Variants in NAALADL2 observed in about 807,000 individuals in gnomAD.
NAALADL2 encodes the protein inactive N-acetylated-alpha-linked acidic dipeptidase-like protein 2.
In NAALADL2, 76 loss-of-function variants were observed where a neutral mutation model predicts 87.2. The observed-to-expected ratio is 0.87, with a 90% confidence interval of 0.72 to 1.05. The LOEUF (loss-of-function observed/expected upper bound fraction) is 1.05. NAALADL2 is among the 50% of genes least tolerant of loss of function. The pLI is 0.00. For synonymous variants in NAALADL2, 354 were observed against 331.0 expected, an observed-to-expected ratio of 1.07 and a Z score of -0.75; for missense variants, 1,089 against 945.8, an observed-to-expected ratio of 1.15 and a Z score of -1.99.
At chr3:175,208,318 A>G (rs1237978647) in intron 2 of NAALADL2, among the ~76,000 whole-genome samples, 1 of 152,152 alleles carries the variant, frequency 6.6e-6, no homozygotes, top group African/African-American at 2.4e-5. Context: ...TCTTCTGTCT[A>G]AACCTATCTT....
At chr3:174,714,415 G>A (rs1213096093) in intron 2 of NAALADL2, among the ~76,000 whole-genome samples, 4 of 152,086 alleles carry the variant, frequency 2.6e-5, no homozygotes, top group Non-Finnish European at 5.9e-5. Flanking sequence ...TCATGATTTT[G>A]ATTCTTCCTA....
Position 175,209,955 on chromosome 3 carries a change from A to G in NAALADL2, c.546-23976A>G, listed in dbSNP as rs115701213. On this transcript the variant is annotated intron_variant, in intron 2 of 13. Transcript: ENST00000454872. ...AAGCAGTAAATATTATTAGCCTGTGATGGGAAACCCTGAAAATAGCCAACG... is the reference window on the plus strand; with the variant it reads ...AAGCAGTAAATATTATTAGCCTGTGGTGGGAAACCCTGAAAATAGCCAACG... 2.2e-3 allele frequency among the ~76,000 whole-genome samples: 342 copies of G among 152,020 alleles called. 3 individuals carry two copies. Among genetic ancestry groups the G allele is most frequent in the African/African-American group, 8.0e-3 (332 of 41,552 alleles).
intron 1 of NAALADL2, among the ~76,000 whole-genome samples, chr3:175,010,945 G>A (rs537519454): frequency 6.6e-6 from 1 of 151,974 alleles, no homozygotes; most frequent in Admixed American, 6.6e-5. Flanking sequence ...CAATTACATT[G>A]CACAATGTTT....
intron 1 of NAALADL2, among the ~76,000 whole-genome samples, chr3:174,441,890 G>A (rs2108254196): frequency 6.6e-6 from 1 of 152,178 alleles, no homozygotes; most frequent in East Asian, 1.9e-4. Flanking sequence ...CCTGAGGAGT[G>A]TAAAGGATTA....
chr3:175,101,406 A>G (rs1722145262), intron 2 of NAALADL2, among the ~76,000 whole-genome samples: 1 of 152,192 alleles, frequency 6.6e-6, no homozygotes. Flanking sequence ...TCTTGTATAA[A>G]CCATGTTTAC....
chr3:175,103,122 G>C (rs993433592), intron 2 of NAALADL2, among the ~76,000 whole-genome samples: 8 of 109,444 alleles, frequency 7.3e-5, no homozygotes, highest in Admixed American at 7.1e-4. Flanking sequence ...AAAAAAAAAA[G>C]TTTTAAATTA....
At chr3:175,485,332 G>A (rs1044960425) in intron 9 of NAALADL2, among the ~76,000 whole-genome samples, 2 of 152,042 alleles carry the variant, frequency 1.3e-5, no homozygotes, top group Non-Finnish European at 2.9e-5. Context: ...TCTCCACAGC[G>A]ACAAAACTAA....
intron 2 of NAALADL2, among the ~76,000 whole-genome samples, chr3:174,694,087 C>A (rs1728820032): frequency 6.6e-6 from 1 of 152,130 alleles, no homozygotes; most frequent in African/African-American, 2.4e-5. Flanking sequence ...GACCTTCAGA[C>A]CCTTTCCCTT....
At chr3:174,631,675 T>C (rs1004342636) in intron 2 of NAALADL2, 1 of 152,220 alleles carries the variant, frequency 6.6e-6, no homozygotes, top group Non-Finnish European at 1.5e-5. Flanking sequence ...ATGTGTACTA[T>C]TAAGTTTATG....
At chr3:174,848,514 C>G (rs1024548975) in intron 3 of NAALADL2, among the ~76,000 whole-genome samples, 3 of 152,102 alleles carry the variant, frequency 2.0e-5, no homozygotes. Flanking sequence ...ATATAAGTTT[C>G]TTAAAAATGT....
At chr3:175,588,459 G>C (rs1306393137) in intron 10 of NAALADL2, among the ~76,000 whole-genome samples, 3 of 150,492 alleles carry the variant, frequency 2.0e-5, no homozygotes, top group African/African-American at 7.3e-5. Context: ...AGAATCTTCA[G>C]TTAAAGAAAC....
At chr3:175,636,993 A>G (rs532776635) in intron 11 of NAALADL2, among the ~76,000 whole-genome samples, 1 of 152,348 alleles carries the variant, frequency 6.6e-6, no homozygotes, top group Admixed American at 6.5e-5. Context: ...ATCACCCAAG[A>G]ACTTCATGTT....
rs113703556 is a variant in NAALADL2, at chr3:175,267,007, G to A, written c.939+10477G>A. The stretch of plus-strand genomic sequence containing the variant: ...GTTTTATAAATTTTAAAAGTTCAAA[G>A]CTTTCTTAGCTTTAGAGTAAAACTA... On this transcript the variant is annotated intron_variant, in intron 4 of 13. Coordinates refer to ENST00000454872, the MANE Select transcript of NAALADL2 (RefSeq NM_207015.3). 9.7e-3 allele frequency among the ~76,000 whole-genome samples: 1,445 copies of A among 148,412 alleles called. 22 individuals carry two copies. Among genetic ancestry groups the A allele is most frequent in the African/African-American group, 0.034 (1,373 of 40,352 alleles).
intron 11 of NAALADL2, among the ~76,000 whole-genome samples, chr3:175,702,204 G>A (rs1419849783): frequency 6.6e-6 from 1 of 152,072 alleles, no homozygotes; most frequent in Non-Finnish European, 1.5e-5. Flanking sequence ...GTTTATAGAG[G>A]TCTGGAGCCA....
intron 2 of NAALADL2, among the ~76,000 whole-genome samples, chr3:175,217,531 G>A (rs1039226187): frequency 1.8e-4 from 28 of 152,194 alleles, no homozygotes; most frequent in Non-Finnish European, 3.4e-4. Flanking sequence ...ATAGTCTGCC[G>A]GGCATCCACG....
At chr3:174,457,938 T>C (rs1715953423) in intron 1 of NAALADL2, among the ~76,000 whole-genome samples, 1 of 151,930 alleles carries the variant, frequency 6.6e-6, no homozygotes, top group African/African-American at 2.4e-5. Context: ...AGCTAAATAA[T>C]GAGAACACGT....
intron 2 of NAALADL2, among the ~76,000 whole-genome samples, chr3:174,553,190 T>C (rs1272069458): frequency 6.6e-6 from 1 of 152,218 alleles, no homozygotes; most frequent in Admixed American, 6.5e-5. Flanking sequence ...TCCTTGCTTT[T>C]ATAGATTTTA....
At chr3:175,229,880 G>A (rs1166862158) in intron 2 of NAALADL2, among the ~76,000 whole-genome samples, 1 of 151,942 alleles carries the variant, frequency 6.6e-6, no homozygotes, top group African/African-American at 2.4e-5. Context: ...AAGGAAAATA[G>A]TTAAGATTTC....
intron 5 of NAALADL2, among the ~76,000 whole-genome samples, chr3:175,401,107 G>A (rs769769187): frequency 1.3e-5 from 2 of 152,088 alleles, no homozygotes; most frequent in South Asian, 2.1e-4. Flanking sequence ...GTCAAAACAG[G>A]TACAGGTACA....
Sources: allele counts gnomAD v4.1 joint callset (sites outside exome capture counted in the v4.1 genomes callset), GRCh38; gene constraint gnomAD v4.1.1; transcripts MANE v1.5; gene names NCBI Gene and HGNC (gene_info 2026-07-23, HGNC 2026-07-21).